DPYD: variants seen among roughly 807,000 people sequenced by gnomAD.
DPYD encodes the protein dihydropyrimidine dehydrogenase, also known as dihydropyrimidine dehydrogenase [NADP(+)].
DPYD carries 109 observed loss-of-function variants against 116.2 expected under a neutral mutation model. That is an observed-to-expected ratio of 0.94 (90% CI 0.80 to 1.10). DPYD has a LOEUF of 1.10. DPYD is among the 50% of genes least tolerant of loss of function. DPYD has a pLI of 0.00. For missense variants in DPYD, 1,302 were observed against 1,254.5 expected (o/e 1.04, Z -0.57); for synonymous variants, 440 against 432.0 (o/e 1.02, Z -0.23).
chr1:97,520,825 G>A lies in DPYD; in HGVS notation c.1525-4884C>T, dbSNP rs150501151. Among the ~76,000 whole-genome samples the A allele has an allele frequency of 3.0e-3, 456 of 152,168 alleles. 2 individuals carry two copies. The highest frequency in any genetic ancestry group is 5.0e-3 in the Non-Finnish European group (342 of 67,972). The stretch of plus-strand genomic sequence containing the variant: ...TGAACTAATCCCTTTTGGAGGCTGC[G>A]TAGTATTCCATGGTATATATGAGCC... On this transcript the variant is annotated intron_variant, in intron 12 of 22. Transcript: ENST00000370192.
intron 10 of DPYD, among the ~76,000 whole-genome samples, chr1:97,582,511 G>T (rs970229084): frequency 1.3e-5 from 2 of 152,226 alleles, no homozygotes; most frequent in South Asian, 2.1e-4. Flanking sequence ...TTACTAAACA[G>T]TTTTTTAATA....
chr1:97,173,360 A>C (rs943149080), intron 20 of DPYD, among the ~76,000 whole-genome samples: 5 of 149,422 alleles, frequency 3.3e-5, no homozygotes, highest in Admixed American at 6.7e-5. Context: ...ATATATGTAC[A>C]TATATACATA....
intron 14 of DPYD, among the ~76,000 whole-genome samples, chr1:97,441,024 A>T (rs1675764827): frequency 6.6e-6 from 1 of 152,162 alleles, no homozygotes; most frequent in South Asian, 2.1e-4. Context: ...CATAGCTTAG[A>T]TTGTTTCTGA....
intron 3 of DPYD, among the ~76,000 whole-genome samples, chr1:97,767,834 C>T (rs1240209143): frequency 7.0e-6 from 1 of 143,242 alleles, no homozygotes; most frequent in African/African-American, 2.6e-5. Flanking sequence ...TAACTAACAT[C>T]CAAATGTTTT....
At chr1:97,353,627 G>GGT (rs1432811515) in intron 16 of DPYD, among the ~76,000 whole-genome samples, 2 of 133,274 alleles carry the variant, frequency 1.5e-5, no homozygotes, top group Non-Finnish European at 3.3e-5. Flanking sequence ...ACTGCATTCT[G>GGT]TTTTTTTTTT....
intron 4 of DPYD, among the ~76,000 whole-genome samples, chr1:97,727,437 T>G (rs772869940): frequency 2.0e-4 from 31 of 151,776 alleles, no homozygotes; most frequent in Non-Finnish European, 3.5e-4. Flanking sequence ...GGATTACTAT[T>G]TAATTAAAGC....
chr1:97,681,581 T>A (rs534311868), intron 7 of DPYD, among the ~76,000 whole-genome samples: 1 of 152,304 alleles, frequency 6.6e-6, no homozygotes, highest in South Asian at 2.1e-4. Flanking sequence ...TAATTAAATA[T>A]GTATTATTCA....
intron 18 of DPYD, among the ~76,000 whole-genome samples, chr1:97,258,000 T>C (rs1570774523): frequency 6.6e-6 from 1 of 152,242 alleles, no homozygotes; most frequent in Non-Finnish European, 1.5e-5. Flanking sequence ...AAAGGATAAC[T>C]AGCATTTTGA....
rs560067093 is a variant in DPYD, at chr1:97,556,272, C to T, written c.1340-6528G>A. Among the ~76,000 whole-genome samples, 6 of 152,230 alleles carry T rather than the reference C, an allele frequency of 3.9e-5. No individual in the cohort carries two copies. In the South Asian group the frequency reaches 1.0e-3, roughly 26 times the overall value. On this transcript the variant is annotated intron_variant, in intron 11 of 22. Coordinates refer to ENST00000370192, the MANE Select transcript of DPYD (RefSeq NM_000110.4). ...TCTGTGACATCATACTTTCTGCTTT[C>T]CACCTGTCCTCATGATGCATTTTTA...
chr1:97,235,394 G>GA, intron 18 of DPYD, among the ~76,000 whole-genome samples: 1 of 152,282 alleles, frequency 6.6e-6, no homozygotes, highest in South Asian at 2.1e-4. Flanking sequence ...GAGGTGGGTG[G>GA]ATCACCTGAG....
At chr1:97,757,560 G>A (rs540085527) in intron 3 of DPYD, among the ~76,000 whole-genome samples, 4 of 152,120 alleles carry the variant, frequency 2.6e-5, no homozygotes, top group South Asian at 2.1e-4. Context: ...CAAAGATAAC[G>A]ATGCCATTGT....
At chr1:97,864,956 G>A (rs1000575567) in intron 2 of DPYD, among the ~76,000 whole-genome samples, 11 of 151,816 alleles carry the variant, frequency 7.2e-5, no homozygotes, top group Non-Finnish European at 1.3e-4. Flanking sequence ...GGTTATATCT[G>A]TGAATGCTTC....
Position 97,165,210 on chromosome 1 carries a change from T to C in DPYD, c.2622+27859A>G, listed in dbSNP as rs1174010289. On this transcript the variant is annotated intron_variant, in intron 20 of 22. Coordinates refer to ENST00000370192, the MANE Select transcript of DPYD (RefSeq NM_000110.4). ...AGGGGCTACAGTAACCAAAACAGCA[T>C]GGTACTGGTACAAAAACAGACACAC... is the stretch of plus-strand genomic sequence containing the variant. Among the ~76,000 whole-genome samples, 10 of 152,038 alleles carry C rather than the reference T, an allele frequency of 6.6e-5. 1 individual carries two copies.
At chr1:97,507,857 GTC>G (rs1456551330) in intron 13 of DPYD, among the ~76,000 whole-genome samples, 1 of 151,848 alleles carries the variant, frequency 6.6e-6, no homozygotes, top group East Asian at 1.9e-4. Context: ...ATGGTAAAAA[GTC>G]TGCAAACCTT....
At chr1:97,532,045 T>C (rs1478273021) in intron 12 of DPYD, among the ~76,000 whole-genome samples, 3 of 152,044 alleles carry the variant, frequency 2.0e-5, no homozygotes, top group Non-Finnish European at 4.4e-5. Flanking sequence ...GTTTTGTATG[T>C]ATAAGATCAT....
chr1:97,355,232 T>C (rs923645294), intron 16 of DPYD, among the ~76,000 whole-genome samples: 5 of 152,204 alleles, frequency 3.3e-5, no homozygotes, highest in Admixed American at 2.0e-4. Flanking sequence ...TGTTTAATAT[T>C]CAAAATCTTT....
chr1:97,384,194 C>T (rs1672162002), intron 14 of DPYD, among the ~76,000 whole-genome samples: 2 of 151,104 alleles, frequency 1.3e-5, no homozygotes, highest in South Asian at 4.2e-4. Flanking sequence ...TGGTAAGAGT[C>T]CTCTAAAAGC....
chr1:97,528,992 A>G (rs1051303371), intron 12 of DPYD, among the ~76,000 whole-genome samples: 8 of 152,160 alleles, frequency 5.3e-5, no homozygotes, highest in Non-Finnish European at 7.4e-5. Context: ...CTGTCTGCCT[A>G]TCCAAACTTA....
chr1:97,684,891 T>C (rs1223674455), intron 7 of DPYD, among the ~76,000 whole-genome samples: 1 of 152,116 alleles, frequency 6.6e-6, no homozygotes, highest in African/African-American at 2.4e-5. Flanking sequence ...GCCAGATGGA[T>C]TTACAGCTGA....
Sources: allele counts gnomAD v4.1 joint callset (sites outside exome capture counted in the v4.1 genomes callset), GRCh38; gene constraint gnomAD v4.1.1; transcripts MANE v1.5; gene names NCBI Gene and HGNC (gene_info 2026-07-23, HGNC 2026-07-21).